The following PROSER1 variants were observed in gnomAD, a reference collection of about 807,000 sequenced individuals.
PROSER1 encodes the protein proline and serine-rich protein 1.
In PROSER1, 36 loss-of-function variants were observed where a neutral mutation model predicts 71.8. The observed-to-expected ratio is 0.50, with a 90% CI of 0.38 to 0.66. The LOEUF is 0.66. Among genes scored for constraint, PROSER1 ranks in the 30% least tolerant of loss-of-function variants. PROSER1 has a pLI of 0.00. For missense variants in PROSER1, 1,107 were observed against 1,135.0 expected (o/e 0.98, Z 0.35); for synonymous variants, 490 against 452.4 (o/e 1.08, Z -1.06).
Position 39,034,130 on chromosome 13 carries a change from CCTGTTCA to C in PROSER1, c.105_111del (p.Ser35ArgfsTer6). On this transcript the variant is annotated frameshift_variant and splice_region_variant, in exon 2 of 13. Transcript: ENST00000352251. LOFTEE classifies it high-confidence loss of function. Reference sequence around the variant, plus strand: ...TTGTTTAAACAAATAATGAGGAATACCTGTTCACTAGAAAAGTATCCATGCACATATT... The same window carrying C: ...TTGTTTAAACAAATAATGAGGAATACCTAGAAAAGTATCCATGCACATATT... 1 of 1,567,502 alleles carries C rather than the reference CCTGTTCA, an allele frequency of 6.4e-7. No individual in the cohort carries two copies. Among genetic ancestry groups the C allele is most frequent in the Non-Finnish European group, 8.6e-7 (1 of 1,158,178 alleles).
At chr13:39,016,193 A>G (rs1407110997) in intron 10 of PROSER1, among the ~76,000 whole-genome samples, 1 of 152,238 alleles carries the variant, frequency 6.6e-6, no homozygotes, top group African/African-American at 2.4e-5. Flanking sequence ...ATACCATAAT[A>G]AACAGCACTT....
At position 39,032,555 on chromosome 13, in the gene PROSER1, G is replaced by C. The variant is rs1870896877; in HGVS notation, c.112-924C>G. On this transcript the variant is annotated intron_variant, in intron 2 of 12. Coordinates refer to ENST00000352251, the MANE Select transcript of PROSER1 (RefSeq NM_025138.5). Reference sequence around the variant, plus strand: ...ACAGCAAGGTCAATGGTGCAAACTGGAGTGGTATGTAAAGAGAGTAAAAAT... The same window carrying C: ...ACAGCAAGGTCAATGGTGCAAACTGCAGTGGTATGTAAAGAGAGTAAAAAT... Among the ~76,000 whole-genome samples, 4 of 152,262 alleles carry C rather than the reference G, an allele frequency of 2.6e-5. No individual in the cohort carries two copies. In the South Asian group the frequency reaches 8.3e-4, roughly 32 times the overall value.
rs147985374 is a variant in PROSER1 at position 39,014,379 on chromosome 13, T to C, written c.873A>G (p.Ala291=). The part of the protein sequence containing the change: ...TPVPTASPVK[A]INHPSASAAA... ...CTGCTGATGCTGATGGATGATTAAT[T>C]GCCTTGACTGGGGATGCAGTAGGAA... Residue 291 remains alanine (A), a synonymous_variant, in exon 11 of 13, where the codon GCA becomes GCG. Transcript: ENST00000352251. The C allele has an allele frequency of 7.7e-5, 124 of 1,613,968 alleles. No homozygotes were observed. Among genetic ancestry groups the C allele is most frequent in the Non-Finnish European group, 9.8e-5 (116 of 1,180,036 alleles).
At chr13:39,025,684 CTCATGAAAAG>C (rs1022490190) in intron 6 of PROSER1, among the ~76,000 whole-genome samples, 2 of 152,136 alleles carry the variant, frequency 1.3e-5, no homozygotes, top group Non-Finnish European at 2.9e-5. Context: ...TGAATGTAAC[CTCATGAAAAG>C]ACCTGAACCA....
At chr13:39,035,657 G>A (rs931727265) in intron 1 of PROSER1, among the ~76,000 whole-genome samples, 2 of 152,128 alleles carry the variant, frequency 1.3e-5, no homozygotes, top group Middle Eastern at 3.4e-3. Flanking sequence ...TCTTCTGCTA[G>A]TGGCTTCTTA....
At chr13:39,027,901 A>G (rs1363962363) in intron 5 of PROSER1, among the ~76,000 whole-genome samples, 1 of 152,194 alleles carries the variant, frequency 6.6e-6, no homozygotes, top group East Asian at 1.9e-4. Flanking sequence ...GCAAATTTGA[A>G]AAGTTAAGTT....
At position 39,011,386 on chromosome 13, in the gene PROSER1, C is replaced by A; in HGVS notation, c.2814G>T (p.Leu938=). 2 of 1,614,112 alleles carry A rather than the reference C, an allele frequency of 1.2e-6. No homozygotes were observed. Among genetic ancestry groups the A allele is most frequent in the Non-Finnish European group, 1.7e-6 (2 of 1,180,000 alleles). Residue 938 remains leucine (L), a synonymous_variant, in exon 13 of 13, where the codon CTG becomes CTT. Transcript: ENST00000352251. ...GTATTCACTGCCACCCACTCTGGGACAGGCTTGGTTGCAAAGAAAATGGTG... is the reference window on the plus strand; with the variant it reads ...GTATTCACTGCCACCCACTCTGGGAAAGGCTTGGTTGCAAAGAAAATGGTG... ...PGTPFSLQPS[L]SQSGWQ is the part of the protein sequence containing the mutation.
Position 39,026,406 on chromosome 13 carries a change from G to A in PROSER1, c.370-19C>T, listed in dbSNP as rs369875502. The A allele has an allele frequency of 8.6e-6, 13 of 1,519,334 alleles. No homozygotes were observed. Among genetic ancestry groups the A allele is most frequent in the African/African-American group, 2.8e-5 (2 of 71,692 alleles). The allele number at this position is 1,519,334 out of a possible 1,614,324, so 94.1% of individuals were successfully genotyped here. A position where few individuals can be genotyped will look rare whatever the true frequency, so the allele number is the denominator to read the frequency against. On this transcript the variant is annotated intron_variant, in intron 5 of 12. Transcript: ENST00000352251. ...TGAAAGCCTGTAATATAAGAAAGAA[G>A]AGGGGTAGGAAAAAAATTCTTAAAA...
rs1566025414 is a variant in PROSER1 at position 39,023,122 on chromosome 13, T to C, written c.573A>G (p.Ser191=). Residue 191 remains serine (S), a synonymous_variant, in exon 8 of 13, where the codon TCA becomes TCG. Coordinates refer to ENST00000352251, the MANE Select transcript of PROSER1 (RefSeq NM_025138.5). ...RILGPSKPPP[S]TYNPHKPVPY... The stretch of plus-strand genomic sequence containing the variant: ...GAACAGGTTTATGTGGATTATATGT[T>C]GAAGGAGGCTAAAACATGGGGGAAA... The C allele has an allele frequency of 1.2e-6, 2 of 1,612,404 alleles. No individual in the cohort carries two copies. The highest frequency in any genetic ancestry group is 1.3e-5 in the African/African-American group (1 of 74,850).
intron 6 of PROSER1, 45 bp from the exon 7 acceptor site, chr13:39,024,601 A>AT: frequency 7.2e-7 from 1 of 1,391,318 alleles, no homozygotes; most frequent in Non-Finnish European, 9.8e-7. Flanking sequence ...TAAAAAAAAA[A>AT]CCCTCAAACC....
At position 39,034,209 on chromosome 13, in the gene PROSER1, A is replaced by G. The variant is rs184864093; in HGVS notation, c.46-13T>C. 4 of 1,549,392 alleles carry G rather than the reference A, an allele frequency of 2.6e-6. No individual in the cohort carries two copies. In the Admixed American group the frequency reaches 7.9e-5, roughly 31 times the overall value. On this transcript the variant is annotated splice_polypyrimidine_tract_variant and intron_variant, in intron 1 of 12. Transcript: ENST00000352251. ...CTGTCAAAACAGCCTAAAAAAAAAAAACACACACACACAGAGTAAAACAGC... is the reference window on the plus strand; with the variant it reads ...CTGTCAAAACAGCCTAAAAAAAAAAGACACACACACACAGAGTAAAACAGC...
intron 6 of PROSER1, among the ~76,000 whole-genome samples, chr13:39,025,477 C>T (rs370424354): frequency 3.3e-5 from 5 of 152,192 alleles, no homozygotes; most frequent in African/African-American, 1.2e-4. Flanking sequence ...CAGGCAGCTT[C>T]CACTTGTCTT....
At chr13:39,029,876 T>C (rs776839740) in intron 3 of PROSER1, among the ~76,000 whole-genome samples, 17 of 152,184 alleles carry the variant, frequency 1.1e-4, no homozygotes, top group Non-Finnish European at 2.5e-4. Context: ...GTTTCTCTAC[T>C]GCAGAACTTT....
chr13:39,036,355 G>A (rs1411512633), intron 1 of PROSER1, among the ~76,000 whole-genome samples: 1 of 152,148 alleles, frequency 6.6e-6, no homozygotes, highest in Non-Finnish European at 1.5e-5. Flanking sequence ...TTTGTAAACT[G>A]AAATAAGCAC....
intron 1 of PROSER1, 27 bp downstream of exon 1, chr13:39,037,166 CATAAA>C: frequency 1.3e-6 from 2 of 1,493,576 alleles, no homozygotes; most frequent in Non-Finnish European, 1.9e-6. Flanking sequence ...GAATTCATCT[CATAAA>C]ATAATTCATG....
Position 39,014,144 on chromosome 13 carries a change from C to G in PROSER1, c.1108G>C (p.Gly370Arg). 3 of 1,613,928 alleles carry G rather than the reference C, an allele frequency of 1.9e-6. No individual in the cohort carries two copies. The highest frequency in any genetic ancestry group is 2.5e-6 in the Non-Finnish European group (3 of 1,180,012). Residue 370 changes from glycine (G) to arginine (R), a missense_variant, in exon 11 of 13, where the codon GGT (glycine) becomes CGT (arginine). By Grantham distance (125) the Gly-to-Arg change is moderately radical. Coordinates refer to ENST00000352251, the MANE Select transcript of PROSER1 (RefSeq NM_025138.5). ...GCTGCGGTAGGAGTGGCAGAAGGAC[C>G]TGGCAGTGACACTAGGCCAGAAAAA... Reference protein sequence around the residue: ...SIFSGLVSLPGPSATPTAATP... With the variant: ...SIFSGLVSLPRPSATPTAATP...
chr13:39,015,054 T>C (rs9576699), intron 10 of PROSER1, among the ~76,000 whole-genome samples: 30,461 of 152,046 alleles, frequency 0.2, 3,628 homozygotes, highest in African/African-American at 0.33. Flanking sequence ...CATTAACCCC[T>C]AACCCTTACC....
Position 39,029,346 on chromosome 13 carries a change from C to A in PROSER1, c.210G>T (p.Val70=). The A allele has an allele frequency of 6.6e-7, 1 of 1,522,886 alleles. No individual in the cohort carries two copies. Among genetic ancestry groups the A allele is most frequent in the South Asian group, 1.4e-5 (1 of 70,540 alleles). 94.3% of individuals were successfully genotyped at this position (1,522,886 alleles called of 1,614,324 possible). The change falls in exon 4 of 13, where the codon GTG becomes GTT. Residue 70 remains valine (V), a synonymous_variant. Coordinates refer to ENST00000352251, the MANE Select transcript of PROSER1 (RefSeq NM_025138.5). The part of the protein sequence containing the change: ...HKMVAVQPTE[V]VNILNCFTFS... ...AAGTGAAACAGTTGAGTATATTGAC[C>A]ACTTCTGTTGGCTGGACAGCCACCA...
chr13:39,026,070 T>C (rs1870531073), intron 6 of PROSER1, among the ~76,000 whole-genome samples: 2 of 152,272 alleles, frequency 1.3e-5, no homozygotes, highest in South Asian at 4.1e-4. Context: ...AATAAAATCA[T>C]CCTCTCTTCT....
Sources: allele counts gnomAD v4.1 joint callset (sites outside exome capture counted in the v4.1 genomes callset), GRCh38; gene constraint gnomAD v4.1.1; transcripts MANE v1.5; gene names NCBI Gene and HGNC (gene_info 2026-07-23, HGNC 2026-07-21).